Variants in AARS1 observed in about 807,000 individuals in gnomAD.
AARS1 encodes the protein alanyl-tRNA synthetase 1.
AARS1 carries 72 observed loss-of-function variants against 108.9 expected under a neutral mutation model. The observed-to-expected ratio is 0.66, with a 90% CI of 0.55 to 0.80. AARS1 has a LOEUF of 0.80. Ranked by LOEUF, AARS1 falls within the 30% of genes least tolerant of loss-of-function variation. The pLI, the probability that AARS1 is intolerant of heterozygous loss-of-function variation, is 0.00. For synonymous variants in AARS1, 489 were observed against 465.7 expected (o/e 1.05, Z -0.64); for missense variants, 1,193 against 1,233.2 (o/e 0.97, Z 0.49).
chr16:70,272,218 A>G (rs536558519), intron 4 of AARS1, among the ~76,000 whole-genome samples: 3 of 152,272 alleles, frequency 2.0e-5, no homozygotes, highest in Non-Finnish European at 1.5e-5. Flanking sequence ...TAAACCTGCT[A>G]AAGAAGCTGG....
chr16:70,270,381 A>C (rs1960370407), intron 5 of AARS1, 41 bp from the exon 6 acceptor site: 14 of 1,612,618 alleles, frequency 8.7e-6, no homozygotes, highest in Non-Finnish European at 1.0e-5. Context: ...GCAGAGACTC[A>C]AGCTGCCACC....
chr16:70,287,057 C>G (rs1367070225), intron 1 of AARS1, among the ~76,000 whole-genome samples: 4 of 151,762 alleles, frequency 2.6e-5, no homozygotes, highest in Admixed American at 6.6e-5. Flanking sequence ...CGAGACCATC[C>G]TGGCTAACAC....
In AARS1 at chr16:70,261,169, C is replaced by T; in HGVS notation, c.1672-12G>A. On this transcript the variant is annotated splice_polypyrimidine_tract_variant and intron_variant, in intron 12 of 20. Transcript: ENST00000261772. ...GTAAACTCTGTTTTCTAAGAGGGGT[C>T]AAGGAAGAGACCAATAAATAAATCC... 1 of 1,581,360 alleles carries T rather than the reference C, an allele frequency of 6.3e-7. No homozygotes were observed. Among genetic ancestry groups the T allele is most frequent in the Non-Finnish European group, 8.7e-7 (1 of 1,150,630 alleles).
Position 70,267,643 on chromosome 16 carries a change from A to G in AARS1, c.1222+16T>C. 6.2e-7 allele frequency: 1 copy of G among 1,614,112 alleles called. No individual in the cohort carries two copies. The highest frequency in any genetic ancestry group is 8.5e-7 in the Non-Finnish European group (1 of 1,179,972). ...TCAAACGGCCAGGATGGAGAAGGGCAAAAACTGGTACCTACCGGGAATGGT... is the reference window on the plus strand; with the variant it reads ...TCAAACGGCCAGGATGGAGAAGGGCGAAAACTGGTACCTACCGGGAATGGT... On this transcript the variant is annotated intron_variant, in intron 9 of 20. Coordinates refer to ENST00000261772, the MANE Select transcript of AARS1 (RefSeq NM_001605.3).
At chr16:70,258,722 C>A (rs990481243) in intron 14 of AARS1, among the ~76,000 whole-genome samples, 5 of 152,174 alleles carry the variant, frequency 3.3e-5, no homozygotes, top group African/African-American at 4.8e-5. Flanking sequence ...CCCGCCACCA[C>A]GCCCGGCTAA....
At chr16:70,285,489 C>T (rs1240829924) in intron 1 of AARS1, among the ~76,000 whole-genome samples, 1 of 151,962 alleles carries the variant, frequency 6.6e-6, no homozygotes, top group Non-Finnish European at 1.5e-5. Context: ...CACTCTGTCG[C>T]CCAGGCTGGA....
At chr16:70,265,228 C>T in intron 10 of AARS1, 126 bp from the exon 11 acceptor site, 1 of 1,259,016 alleles carries the variant, frequency 7.9e-7, no homozygotes, top group South Asian at 1.2e-5. Context: ...CCTGGCACTA[C>T]TGACATTTGG....
chr16:70,271,705 A>G, intron 5 of AARS1, 76 bp downstream of exon 5: 3 of 1,430,194 alleles, frequency 2.1e-6, no homozygotes, highest in South Asian at 1.2e-5. Context: ...TTAGCTGAGA[A>G]GAGAGCTACA....
rs117857165 is a variant in AARS1 at position 70,265,752 on chromosome 16, G to A, written c.1223-90C>T. On this transcript the variant is annotated intron_variant, in intron 9 of 20. Transcript: ENST00000261772. ...AAAAGGATGCTGGGACTGGCAGAAGGAATTAAAGACACAAGGCTATCAGTA... is the reference window on the plus strand; with the variant it reads ...AAAAGGATGCTGGGACTGGCAGAAGAAATTAAAGACACAAGGCTATCAGTA... 0.019 allele frequency: 29,298 copies of A among 1,544,028 alleles called. 342 individuals carry two copies. Among genetic ancestry groups the A allele is most frequent in the Non-Finnish European group, 0.023 (26,135 of 1,128,378 alleles).
At chr16:70,254,932 G>C (rs1057266395) in intron 16 of AARS1, among the ~76,000 whole-genome samples, 198 bp from the exon 17 acceptor site, 2 of 152,194 alleles carry the variant, frequency 1.3e-5, no homozygotes, top group Non-Finnish European at 2.9e-5. Context: ...CATTGGCAAA[G>C]GCTGCACCCA....
Position 70,276,463 on chromosome 16 carries a change from C to G in AARS1, c.479+23G>C, listed in dbSNP as rs762333909. The stretch of plus-strand genomic sequence containing the variant: ...GTGTCATTTCACTCCTCCATACTCT[C>G]AAGAAGTGATGTGCATTCTTACCCC... On this transcript the variant is annotated intron_variant, in intron 4 of 20. Coordinates refer to ENST00000261772, the MANE Select transcript of AARS1 (RefSeq NM_001605.3). 5 of 1,613,100 alleles carry G rather than the reference C, an allele frequency of 3.1e-6. No homozygotes were observed. The African/African-American group carries it at 6.7e-5, about 22-fold the overall frequency.
chr16:70,279,576 C>T (rs1209900580), intron 2 of AARS1, among the ~76,000 whole-genome samples: 2 of 147,630 alleles, frequency 1.4e-5, no homozygotes, highest in Non-Finnish European at 3.0e-5. Flanking sequence ...AGGAGAATCG[C>T]TTGAATCCAG....
chr16:70,252,821 A>G lies in AARS1; in HGVS notation c.2807T>C (p.Val936Ala). ...LMDGKGGGKD[V>A]SAQATGKNVG... is the part of the protein sequence containing the mutation. ...GTTCTTGCCTGTGGCCTGTGCAGAC[A>G]CATCCTTGCCACCACCTTTACCGTC... The change falls in exon 21 of 21, where the codon GTG becomes GCG. Residue 936 changes from valine to alanine, a missense_variant. Val to Ala is a moderately conservative substitution (Grantham distance 64). Transcript: ENST00000261772. 1.9e-6 allele frequency: 3 copies of G among 1,614,198 alleles called. No homozygotes were observed. The highest frequency in any genetic ancestry group is 2.5e-6 in the Non-Finnish European group (3 of 1,179,990).
intron 7 of AARS1, among the ~76,000 whole-genome samples, chr16:70,269,367 T>C (rs909818759): frequency 8.0e-5 from 7 of 87,764 alleles, no homozygotes; most frequent in East Asian, 3.6e-4. Flanking sequence ...AAAACAACCG[T>C]CTCTACTAAA....
intron 10 of AARS1, 175 bp from the exon 11 acceptor site, chr16:70,265,277 T>C (rs879113207): frequency 1.1e-5 from 11 of 974,606 alleles, no homozygotes; most frequent in South Asian, 2.8e-5. Flanking sequence ...TCTCTTGCAG[T>C]GTGGGATGCT....
intron 4 of AARS1, among the ~76,000 whole-genome samples, chr16:70,272,922 AC>A (rs1429721319): frequency 2.6e-5 from 4 of 151,068 alleles, no homozygotes; most frequent in Non-Finnish European, 4.4e-5. Context: ...ACACACACAC[AC>A]AAAAGATTGT....
chr16:70,279,476 G>A (rs556501114), intron 2 of AARS1, among the ~76,000 whole-genome samples: 83 of 150,952 alleles, frequency 5.5e-4, no homozygotes, highest in East Asian at 1.9e-3. Flanking sequence ...CCTGGCCAAC[G>A]TGGCGAAACC....
At chr16:70,282,046 G>A (rs1309827225) in intron 2 of AARS1, among the ~76,000 whole-genome samples, 2 of 152,046 alleles carry the variant, frequency 1.3e-5, no homozygotes, top group African/African-American at 4.8e-5. Context: ...CAGCTACTTG[G>A]GAGGCTGAGG....
rs1960121803 is a variant in AARS1 at position 70,261,104 on chromosome 16, G to GT, written c.1724dup (p.His575GlnfsTer8). On this transcript the variant is annotated frameshift_variant, in exon 13 of 21. Coordinates refer to ENST00000261772, the MANE Select transcript of AARS1 (RefSeq NM_001605.3). LOFTEE classifies it high-confidence loss of function. ...TCAGGTCACCGTAGATGGTTCCAAT[G>GT]TGTAGCACATACCCTCCTCGGACCT... 1 of 1,613,812 alleles carries GT rather than the reference G, an allele frequency of 6.2e-7. No individual in the cohort carries two copies. The highest frequency in any genetic ancestry group is 1.7e-5 in the Admixed American group (1 of 59,976).
Sources: gnomAD v4.1 joint callset for allele counts (sites outside exome capture counted in the v4.1 genomes callset) on GRCh38, gnomAD v4.1.1 for gene constraint, MANE v1.5 for transcripts, NCBI Gene and HGNC (gene_info 2026-07-23, HGNC 2026-07-21) for gene names.